Variants in IL1RL1 observed in about 807,000 individuals in gnomAD.
IL1RL1 encodes interleukin-1 receptor-like 1.
IL1RL1 carries 32 observed loss-of-function variants against 50.9 expected under a neutral mutation model. The ratio of observed to expected loss-of-function variants is 0.63; its 90% CI spans 0.47 to 0.84. The LOEUF (loss-of-function observed/expected upper bound fraction) is 0.84, where lower values mean the gene tolerates loss of function less well. Ranked by LOEUF, IL1RL1 falls within the 40% of genes least tolerant of loss-of-function variation. The pLI is 0.00. For synonymous variants in IL1RL1, 275 were observed against 236.0 expected, an observed-to-expected ratio of 1.17 and a Z score of -1.51; for missense variants, 773 against 662.9, an observed-to-expected ratio of 1.17 and a Z score of -1.82.
chr2:102,329,488 T>C (rs190357936), intron 1 of IL1RL1, among the ~76,000 whole-genome samples: 1 of 152,226 alleles, frequency 6.6e-6, no homozygotes, highest in African/African-American at 2.4e-5. Context: ...AGTTGACAAA[T>C]GGGATCTAAT....
At chr2:102,326,866 G>A (rs1042903938) in intron 1 of IL1RL1, among the ~76,000 whole-genome samples, 2 of 152,112 alleles carry the variant, frequency 1.3e-5, no homozygotes, top group Non-Finnish European at 2.9e-5. Context: ...AGTCCTTAGA[G>A]ATCTACAAAG....
chr2:102,330,087 G>C (rs949757309), intron 1 of IL1RL1, among the ~76,000 whole-genome samples: 6 of 152,126 alleles, frequency 3.9e-5, no homozygotes, highest in South Asian at 2.1e-4. Context: ...TTGGAACCAA[G>C]CCAAATGTCC....
intron 4 of IL1RL1, 63 bp downstream of exon 4, chr2:102,340,335 G>A (rs556459585): frequency 2.9e-5 from 40 of 1,357,474 alleles, no homozygotes; most frequent in Non-Finnish European, 3.7e-5. Flanking sequence ...ACAAGTGGCC[G>A]GGCACAGTGG....
At chr2:102,323,051 T>A (rs1270110626) in intron 1 of IL1RL1, among the ~76,000 whole-genome samples, 1 of 152,084 alleles carries the variant, frequency 6.6e-6, no homozygotes, top group East Asian at 1.9e-4. Context: ...TTTTCATTGC[T>A]GAGTAGTTTA....
intron 1 of IL1RL1, among the ~76,000 whole-genome samples, chr2:102,316,088 A>G (rs1478714578): frequency 6.6e-6 from 1 of 152,120 alleles, no homozygotes; most frequent in African/African-American, 2.4e-5. Context: ...CTCACCTCTG[A>G]TTTCTAGTTC....
At chr2:102,324,410 A>C (rs1277891812) in intron 1 of IL1RL1, among the ~76,000 whole-genome samples, 1 of 152,220 alleles carries the variant, frequency 6.6e-6, no homozygotes, top group Non-Finnish European at 1.5e-5. Context: ...TACAGTCTAC[A>C]GCTCCCAGCG....
chr2:102,340,124 C>A lies in IL1RL1; in HGVS notation c.299C>A (p.Ala100Glu). The change falls in exon 4 of 11, where the codon GCG (alanine) becomes GAG (glutamate). Residue 100 changes from alanine to glutamate, a missense_variant. Ala to Glu is a moderately radical substitution (Grantham distance 107). Coordinates refer to ENST00000233954, the MANE Select transcript of IL1RL1 (RefSeq NM_016232.5). Reference sequence around the variant, plus strand: ...CCCACATTCAATAGGACTGGATATGCGAATGTCACCATATATAAAAAACAA... The same window carrying A: ...CCCACATTCAATAGGACTGGATATGAGAATGTCACCATATATAAAAAACAA... ...RSPTFNRTGYANVTIYKKQSD... is the reference protein window; with the variant it reads ...RSPTFNRTGYENVTIYKKQSD... 2 of 1,574,374 alleles carry A rather than the reference C, an allele frequency of 1.3e-6. No individual in the cohort carries two copies. The highest frequency in any genetic ancestry group is 1.9e-5 in the Admixed American group (1 of 52,770).
Position 102,338,934 on chromosome 2 carries a change from A to G in IL1RL1, c.159A>G (p.Thr53=). 6.2e-7 allele frequency: 1 copy of G among 1,613,948 alleles called. No individual in the cohort carries two copies. The highest frequency in any genetic ancestry group is 8.5e-7 in the Non-Finnish European group (1 of 1,179,850). ...CCGTGGATTGGTATTACTCACAAACAAACAAAAGTATTCCCACTCAGGAAA... is the reference window on the plus strand; with the variant it reads ...CCGTGGATTGGTATTACTCACAAACGAACAAAAGTATTCCCACTCAGGAAA... ...SYTVDWYYSQ[T]NKSIPTQERN... The change falls in exon 3 of 11, where the codon ACA becomes ACG. Residue 53 remains threonine, a synonymous_variant. Coordinates refer to ENST00000233954, the MANE Select transcript of IL1RL1 (RefSeq NM_016232.5).
intron 1 of IL1RL1, among the ~76,000 whole-genome samples, chr2:102,318,975 AAAAC>A (rs1404965685): frequency 6.6e-6 from 1 of 152,260 alleles, no homozygotes; most frequent in Non-Finnish European, 1.5e-5. Flanking sequence ...ATATTATTGC[AAAAC>A]AAACAAACCA....
At chr2:102,349,352 A>C (rs1293863858) in intron 10 of IL1RL1, 106 bp downstream of exon 10, 2 of 830,984 alleles carry the variant, frequency 2.4e-6, no homozygotes, top group Non-Finnish European at 4.0e-6. Flanking sequence ...TTACTACCAC[A>C]GGCCTTAAGA....
chr2:102,351,394 A>C (rs1208096699), intron 10 of IL1RL1, 142 bp from the exon 11 acceptor site: 8 of 723,934 alleles, frequency 1.1e-5, no homozygotes, highest in African/African-American at 1.8e-5. Context: ...CTATCCACAC[A>C]TACTTCCACT....
chr2:102,311,840 AT>A (rs1199629398), intron 1 of IL1RL1, among the ~76,000 whole-genome samples: 1 of 46,866 alleles, frequency 2.1e-5, no homozygotes, highest in Non-Finnish European at 4.2e-5. Flanking sequence ...ATATTATATA[AT>A]TGTAATATAT....
At chr2:102,345,800 T>A (rs1159207348) in intron 8 of IL1RL1, 1 of 985,368 alleles carries the variant, frequency 1.0e-6, no homozygotes, top group Admixed American at 6.2e-5. Flanking sequence ...CCAGGAAGGC[T>A]GTGGACCCCA....
At chr2:102,319,557 A>C (rs889508276) in intron 1 of IL1RL1, among the ~76,000 whole-genome samples, 1 of 152,200 alleles carries the variant, frequency 6.6e-6, no homozygotes, top group South Asian at 2.1e-4. Context: ...CAATTACCAA[A>C]TATTTATTAA....
rs10206753 is a variant in IL1RL1, at chr2:102,351,902, T to C, written c.1652T>C (p.Leu551Ser). The C allele has an allele frequency of 0.38, 604,378 of 1,607,608 alleles. 122,423 individuals carry two copies. The highest frequency in any genetic ancestry group is 0.71 in the African/African-American group (52,790 of 74,682). Reference protein sequence around the residue: ...IPRKASSLTPLAAQKQ With the variant: ...IPRKASSLTPSAAQKQ ...AGAAAGGCCTCTAGTTTGACTCCCT[T>C]GGCTGCCCAGAAGCAATAGTGCCTG... Residue 551 changes from leucine (L) to serine (S), a missense_variant, in exon 11 of 11, where the codon TTG becomes TCG. By Grantham distance (145) the Leu-to-Ser change is moderately radical (BLOSUM62 -2). Coordinates refer to ENST00000233954, the MANE Select transcript of IL1RL1 (RefSeq NM_016232.5).
At position 102,338,168 on chromosome 2, in the gene IL1RL1, C is replaced by A; in HGVS notation, c.-97C>A. On this transcript the variant is annotated 5_prime_UTR_variant, in exon 2 of 11. Coordinates refer to ENST00000233954, the MANE Select transcript of IL1RL1 (RefSeq NM_016232.5). ...CAGTCTTGAAGAGTATCACCAACTGCCTCATGTGTGGTGACCTTCACTGTC... is the reference window on the plus strand; with the variant it reads ...CAGTCTTGAAGAGTATCACCAACTGACTCATGTGTGGTGACCTTCACTGTC... 4.3e-6 allele frequency: 3 copies of A among 703,102 alleles called. No individual in the cohort carries two copies. Among genetic ancestry groups the A allele is most frequent in the Non-Finnish European group, 7.5e-6 (3 of 398,422 alleles). The allele number at this position is 703,102 out of a possible 1,614,324, so 43.6% of individuals were successfully genotyped here. A position where few individuals can be genotyped will look rare whatever the true frequency, so the allele number is the denominator to read the frequency against.
intron 2 of IL1RL1, 139 bp downstream of exon 2, chr2:102,338,464 A>AT (rs1677414913): frequency 1.9e-6 from 1 of 539,292 alleles, no homozygotes; most frequent in Non-Finnish European, 3.2e-6. Context: ...TTGTACAATC[A>AT]TTTTTCATTA....
At chr2:102,313,508 A>C (rs765850471) in intron 1 of IL1RL1, 9 of 152,194 alleles carry the variant, frequency 5.9e-5, no homozygotes, top group Non-Finnish European at 8.8e-5. Flanking sequence ...CGCATAGCTC[A>C]AGTGTATCTG....
At chr2:102,314,229 C>A (rs1037841642) in intron 1 of IL1RL1, among the ~76,000 whole-genome samples, 3 of 152,196 alleles carry the variant, frequency 2.0e-5, no homozygotes, top group Non-Finnish European at 4.4e-5. Context: ...CCACATCCTG[C>A]CATTCTTATG....
Sources: allele counts gnomAD v4.1 joint callset (sites outside exome capture counted in the v4.1 genomes callset), GRCh38; gene constraint gnomAD v4.1.1; transcripts MANE v1.5; gene names NCBI Gene and HGNC (gene_info 2026-07-23, HGNC 2026-07-21).